Variants in TST observed in about 807,000 individuals in gnomAD.
TST encodes thiosulfate sulfurtransferase.
TST carries 22 observed loss-of-function variants against 20.4 expected under a neutral mutation model. The observed-to-expected ratio is 1.08, with a 90% CI of 0.77 to 1.54. TST has a LOEUF of 1.54. Ranked by LOEUF, TST falls within the 40% of genes most tolerant of loss-of-function variation. TST has a pLI of 0.00. For synonymous variants in TST, 187 were observed against 173.8 expected (o/e 1.08, Z -0.60); for missense variants, 392 against 405.2 (o/e 0.97, Z 0.28).
At chr22:37,016,572 C>G (rs930256554) in intron 2 of TST, among the ~76,000 whole-genome samples, 5 of 152,142 alleles carry the variant, frequency 3.3e-5, no homozygotes, top group Non-Finnish European at 2.9e-5. Flanking sequence ...CAAGCTGTCC[C>G]TTCCACTTAT....
intron 2 of TST, among the ~76,000 whole-genome samples, chr22:37,017,496 C>T (rs1264956466): frequency 6.6e-6 from 1 of 152,208 alleles, no homozygotes; most frequent in Non-Finnish European, 1.5e-5. Context: ...TCAGTCCCCC[C>T]ACCCCCCGCT....
chr22:37,011,041 A>G lies in TST; in HGVS notation c.880T>C (p.Ser294Pro), dbSNP rs911479709. 2 of 1,609,566 alleles carry G rather than the reference A, an allele frequency of 1.2e-6. No individual in the cohort carries two copies. The highest frequency in any genetic ancestry group is 2.7e-5 in the African/African-American group (2 of 74,852). ...GAGGTCACGGCTCAGGCCTTCTCAG[A>G]CTTTCCCTGGGACACACGGCTCTCT... is the stretch of plus-strand genomic sequence containing the variant. ...PPESRVSQGK[S>P]EKA is the part of the protein sequence containing the mutation. The change falls in exon 3 of 3, where the codon TCT (serine) becomes CCT (proline). Residue 294 changes from serine to proline, a missense_variant. Transcript: ENST00000249042.
At chr22:37,014,940 T>C (rs986151198) in intron 2 of TST, among the ~76,000 whole-genome samples, 8 of 152,164 alleles carry the variant, frequency 5.3e-5, no homozygotes, top group Non-Finnish European at 1.2e-4. Flanking sequence ...CCTTCCCTCC[T>C]CCCTCAGCCA....
chr22:37,011,045 T>G lies in TST; in HGVS notation c.876A>C (p.Gly292=), dbSNP rs1372701777. The part of the protein sequence containing the change: ...RAPPESRVSQ[G]KSEKA The stretch of plus-strand genomic sequence containing the variant: ...TCACGGCTCAGGCCTTCTCAGACTT[T>G]CCCTGGGACACACGGCTCTCTGGGG... The change falls in exon 3 of 3, where the codon GGA becomes GGC. Residue 292 remains glycine, a synonymous_variant. Transcript: ENST00000249042. 3.1e-6 allele frequency: 5 copies of G among 1,609,884 alleles called. No individual in the cohort carries two copies. The highest frequency in any genetic ancestry group is 4.2e-6 in the Non-Finnish European group (5 of 1,178,682).
At chr22:37,014,286 C>T (rs972230583) in intron 2 of TST, among the ~76,000 whole-genome samples, 3 of 152,168 alleles carry the variant, frequency 2.0e-5, no homozygotes, top group African/African-American at 7.2e-5. Context: ...AGCAGAATGG[C>T]GTGAACCCAG....
upstream of TST, chr22:37,020,122 G>C (rs1320656197): frequency 7.8e-6 from 3 of 386,238 alleles, no homozygotes; most frequent in Non-Finnish European, 9.2e-6. Flanking sequence ...AGAGAGGGCG[G>C]GGGAGAGAGA....
intron 1 of TST, 156 bp downstream of exon 1, chr22:37,019,244 C>T (rs141850939): frequency 2.6e-4 from 41 of 156,864 alleles, no homozygotes; most frequent in Non-Finnish European, 4.6e-4. Flanking sequence ...CTCCAGAGTG[C>T]CCGAGTCCGG....
rs1008144625 is a variant in TST, at chr22:37,018,319, G to A, written c.414C>T (p.Gly138=). The change falls in exon 2 of 3, where the codon GGC becomes GGT. Residue 138 remains glycine (G), a synonymous_variant. Transcript: ENST00000249042. ...NGGFRNWLKE[G]HPVTSEPSRP... ...GTGAGGGCTCGGATGTCACCGGGTG[G>A]CCCTCCTTCAGCCAGTTCCGGAAGC... The A allele has an allele frequency of 3.1e-6, 5 of 1,613,866 alleles. No individual in the cohort carries two copies. The African/African-American group carries it at 6.7e-5, about 22-fold the overall frequency.
chr22:37,014,332 T>G (rs1922594155), intron 2 of TST, among the ~76,000 whole-genome samples: 1 of 152,156 alleles, frequency 6.6e-6, no homozygotes, highest in Non-Finnish European at 1.5e-5. Flanking sequence ...ATCGCACCAC[T>G]GCACTCCAGC....
intron 2 of TST, among the ~76,000 whole-genome samples, chr22:37,017,395 G>T (rs752060919): frequency 1.3e-5 from 2 of 152,222 alleles, no homozygotes; most frequent in Non-Finnish European, 2.9e-5. Context: ...GGGTAGGGCA[G>T]CATTGGGTGC....
upstream of TST, chr22:37,019,758 C>T (rs1922905359): frequency 3.2e-6 from 2 of 620,406 alleles, no homozygotes; most frequent in South Asian, 8.1e-5. Flanking sequence ...GAGTCTCCTC[C>T]CTTTGGTCCG....
In TST at chr22:37,013,038, G is replaced by A. The variant is rs1922538602; in HGVS notation, c.596-1713C>T. On this transcript the variant is annotated intron_variant, in intron 2 of 2. Transcript: ENST00000249042. ...GCCTAGGCAGCAAGAGCGAGACTCC[G>A]TCTCAAAGAAAAAAAAAAAGTAAAC... is the stretch of plus-strand genomic sequence containing the variant. Among the ~76,000 whole-genome samples, 3 of 148,380 alleles carry A rather than the reference G, an allele frequency of 2.0e-5. No homozygotes were observed. The East Asian group carries it at 5.8e-4, about 29-fold the overall frequency.
chr22:37,014,465 G>C (rs1922601995), intron 2 of TST, among the ~76,000 whole-genome samples: 1 of 152,244 alleles, frequency 6.6e-6, no homozygotes, highest in South Asian at 2.1e-4. Context: ...CCCAAGTCTA[G>C]CTGAAGGCTT....
Position 37,013,916 on chromosome 22 carries a change from T to C in TST, c.596-2591A>G, listed in dbSNP as rs201958342. ...CTTATTACATAAAGGGCACCCCTTC[T>C]GAGTAAAGATGAAGTCAGGGAGTTT... On this transcript the variant is annotated intron_variant, in intron 2 of 2. Coordinates refer to ENST00000249042, the MANE Select transcript of TST (RefSeq NM_003312.6). Among the ~76,000 whole-genome samples the C allele has an allele frequency of 7.2e-5, 11 of 152,268 alleles. No homozygotes were observed. In the East Asian group the frequency reaches 1.9e-3, roughly 27 times the overall value.
chr22:37,016,105 T>A (rs1357692896), intron 2 of TST, among the ~76,000 whole-genome samples: 1 of 151,784 alleles, frequency 6.6e-6, no homozygotes, highest in Non-Finnish European at 1.5e-5. Flanking sequence ...CACCAACGCC[T>A]GGCTAATTTT....
At chr22:37,014,303 G>A (rs1278885265) in intron 2 of TST, among the ~76,000 whole-genome samples, 1 of 152,240 alleles carries the variant, frequency 6.6e-6, no homozygotes, top group Non-Finnish European at 1.5e-5. Flanking sequence ...CCAGGAGGCG[G>A]AGCTTAAAAT....
intron 2 of TST, among the ~76,000 whole-genome samples, chr22:37,012,092 T>C (rs764714374): frequency 2.0e-5 from 3 of 152,214 alleles, no homozygotes; most frequent in East Asian, 3.9e-4. Context: ...GAGTATCCAC[T>C]GTGTATTGGC....
At position 37,018,755 on chromosome 22, in the gene TST, T is replaced by C. The variant is rs954262127; in HGVS notation, c.-21-2A>G. On this transcript the variant is annotated splice_acceptor_variant, in intron 1 of 2. Coordinates refer to ENST00000249042, the MANE Select transcript of TST (RefSeq NM_003312.6). LOFTEE classifies it low-confidence loss of function (5UTR_SPLICE). ...CATGGCTTCAGCTCTGCGTGTCACC[T>C]GGCACGGGTGGGAACCAGGAAAGAG... The C allele has an allele frequency of 1.4e-6, 2 of 1,455,606 alleles. No homozygotes were observed. The highest frequency in any genetic ancestry group is 2.7e-5 in the Admixed American group (1 of 37,148). The allele number at this position is 1,455,606 out of a possible 1,614,324, so 90.2% of individuals were successfully genotyped here. A position where few individuals can be genotyped will look rare whatever the true frequency, so the allele number is the denominator to read the frequency against.
chr22:37,018,979 G>C (rs1022307677), intron 1 of TST: 26 of 431,822 alleles, frequency 6.0e-5, no homozygotes, highest in Middle Eastern at 1.2e-3. Flanking sequence ...GCGCAGAAGC[G>C]GGTGGGGCAA....
Sources: gnomAD v4.1 joint callset for allele counts (sites outside exome capture counted in the v4.1 genomes callset) on GRCh38, gnomAD v4.1.1 for gene constraint, MANE v1.5 for transcripts, NCBI Gene and HGNC (gene_info 2026-07-23, HGNC 2026-07-21) for gene names.